SMG5: variants seen among roughly 807,000 people sequenced by gnomAD.
The protein encoded by SMG5 is SMG5 nonsense mediated mRNA decay factor.
SMG5 carries 53 observed loss-of-function variants against 122.9 expected under a neutral mutation model. The ratio of observed to expected loss-of-function variants is 0.43; its 90% CI spans 0.35 to 0.54. The LOEUF (loss-of-function observed/expected upper bound fraction) is 0.54, where lower values mean the gene tolerates loss of function less well. Among genes scored for constraint, SMG5 ranks in the 20% least tolerant of loss-of-function variants. The pLI is 0.01. For synonymous variants in SMG5, 477 were observed against 490.2 expected (o/e 0.97, Z 0.35); for missense variants, 1,153 against 1,285.6 (o/e 0.90, Z 1.58).
At chr1:156,251,776 G>A (rs1661367398) in intron 19 of SMG5, among the ~76,000 whole-genome samples, 2 of 152,208 alleles carry the variant, frequency 1.3e-5, no homozygotes, top group South Asian at 4.1e-4. Context: ...ATCAGACCTT[G>A]TGCAGCTTCC....
At chr1:156,266,952 C>T (rs1384152105) in intron 10 of SMG5, among the ~76,000 whole-genome samples, 1 of 151,998 alleles carries the variant, frequency 6.6e-6, no homozygotes. Context: ...ATTATCCCTT[C>T]CATAATCTAG....
chr1:156,258,854 C>T (rs1661689345), intron 16 of SMG5, 151 bp downstream of exon 16: 2 of 936,728 alleles, frequency 2.1e-6, no homozygotes, highest in Non-Finnish European at 1.5e-6. Context: ...TAGTCCTTCC[C>T]AGGCCTCCCT....
intron 13 of SMG5, 86 bp from the exon 14 acceptor site, chr1:156,261,494 A>T: frequency 8.9e-7 from 1 of 1,120,228 alleles, no homozygotes; most frequent in East Asian, 2.4e-5. Context: ...ACCCTGAGGG[A>T]TCTGGCCTAT....
chr1:156,279,031 A>G lies in SMG5; in HGVS notation c.78T>C (p.Ala26=), dbSNP rs765124831. The G allele has an allele frequency of 1.2e-6, 2 of 1,613,926 alleles. No homozygotes were observed. Among genetic ancestry groups the G allele is most frequent in the Non-Finnish European group, 1.7e-6 (2 of 1,179,890 alleles). ...KVLHTKRLYR[A]VVEAVHRLDL... is the part of the protein sequence containing the mutation. ...CAAGTCGATGCACAGCCTCCACCAC[A>G]GCCCTGTAGGGAAATACAGGCAAAT... The change falls in exon 2 of 22, where the codon GCT becomes GCC. Residue 26 remains alanine (A), a synonymous_variant. Transcript: ENST00000361813.
At chr1:156,281,065 C>T (rs1662913983) in intron 1 of SMG5, among the ~76,000 whole-genome samples, 1 of 152,196 alleles carries the variant, frequency 6.6e-6, no homozygotes, top group Non-Finnish European at 1.5e-5. Flanking sequence ...AGTCTAACAA[C>T]ACATTTATCT....
intron 14 of SMG5, among the ~76,000 whole-genome samples, chr1:156,261,068 G>A (rs555200281): frequency 3.3e-5 from 5 of 152,274 alleles, no homozygotes; most frequent in African/African-American, 1.2e-4. Flanking sequence ...GCTAGGTCTG[G>A]CTCCCAGGGC....
At chr1:156,286,619 C>G (rs766437103), upstream of SMG5, 10 of 761,004 alleles carry the variant, frequency 1.3e-5, no homozygotes, top group Non-Finnish European at 2.1e-5. Context: ...TCCACCTTCT[C>G]TCTTGCACCT....
intron 1 of SMG5, 26 bp downstream of exon 1, chr1:156,282,581 T>TGCTCTCACGCCCTGGCC: frequency 1.3e-6 from 2 of 1,597,400 alleles, no homozygotes; most frequent in Non-Finnish European, 1.7e-6. Context: ...CCTCGGTGGC[T>TGCTCTCACGCCCTGGCC]GCTCTCACGC....
chr1:156,282,844 C>G (rs1456810831), upstream of SMG5: 6 of 690,590 alleles, frequency 8.7e-6, no homozygotes, highest in Admixed American at 1.9e-4. Flanking sequence ...CTCCGCCTGC[C>G]AAATCTCGCG....
intron 13 of SMG5, among the ~76,000 whole-genome samples, chr1:156,262,420 G>A (rs1440443518): frequency 6.7e-6 from 1 of 148,728 alleles, no homozygotes; most frequent in Non-Finnish European, 1.5e-5. Flanking sequence ...AACTTGCAGT[G>A]AGCCGAAATC....
At position 156,282,736 on chromosome 1, in the gene SMG5, C is replaced by A; in HGVS notation, c.-56G>T. The A allele has an allele frequency of 6.5e-7, 1 of 1,529,874 alleles. No homozygotes were observed. The highest frequency in any genetic ancestry group is 8.8e-7 in the Non-Finnish European group (1 of 1,137,410). 94.8% of individuals were successfully genotyped at this position (1,529,874 alleles called of 1,614,324 possible). On this transcript the variant is annotated 5_prime_UTR_variant, in exon 1 of 22. Transcript: ENST00000361813. ...ACAGGCCCCTGCCACCCACCACTACCGCCAACACTGCCGTCTCCGGCCGTA... is the reference window on the plus strand; with the variant it reads ...ACAGGCCCCTGCCACCCACCACTACAGCCAACACTGCCGTCTCCGGCCGTA...
upstream of SMG5, among the ~76,000 whole-genome samples, chr1:156,284,683 G>C (rs749814167): frequency 6.6e-6 from 1 of 152,210 alleles, no homozygotes; most frequent in Non-Finnish European, 1.5e-5. Flanking sequence ...CTTTGGGTCA[G>C]ATCAGTTGGC....
chr1:156,252,817 A>G, intron 18 of SMG5, 102 bp downstream of exon 18: 1 of 1,266,098 alleles, frequency 7.9e-7, no homozygotes, highest in Non-Finnish European at 1.1e-6. Context: ...GACTTGACCA[A>G]GGTTACTGCA....
At chr1:156,270,365 G>C (rs564519191) in intron 7 of SMG5, among the ~76,000 whole-genome samples, 1 of 152,328 alleles carries the variant, frequency 6.6e-6, no homozygotes, top group African/African-American at 2.4e-5. Context: ...CTTCTACCCT[G>C]TGGAAGATAC....
chr1:156,263,012 T>A (rs1205031124), intron 13 of SMG5, among the ~76,000 whole-genome samples: 1 of 152,194 alleles, frequency 6.6e-6, no homozygotes, highest in Non-Finnish European at 1.5e-5. Context: ...ACAACTCTTG[T>A]CAGAAGTTCC....
chr1:156,255,357 G>C (rs1382384002), intron 16 of SMG5, among the ~76,000 whole-genome samples: 3 of 151,060 alleles, frequency 2.0e-5, no homozygotes, highest in Admixed American at 6.6e-5. Flanking sequence ...TGAGCAACAT[G>C]GTGAAACCCC....
chr1:156,250,371 C>T lies in SMG5; in HGVS notation c.*216G>A. ...GCCCACAAGACTCTCCTAATCCAAG[C>T]ACTTTCCTCGCTTTCCTAACGTCTT... is the stretch of plus-strand genomic sequence containing the variant. On this transcript the variant is annotated 3_prime_UTR_variant, in exon 22 of 22. Transcript: ENST00000361813. The T allele has an allele frequency of 3.5e-6, 2 of 571,356 alleles. No individual in the cohort carries two copies. The highest frequency in any genetic ancestry group is 3.0e-5 in the East Asian group (1 of 33,782). 35.4% of individuals were successfully genotyped at this position (571,356 alleles called of 1,614,324 possible).
At chr1:156,286,441 C>A (rs1288115451), upstream of SMG5, 1 of 1,614,076 alleles carries the variant, frequency 6.2e-7, no homozygotes, top group Non-Finnish European at 8.5e-7. Context: ...TCAAACTGCT[C>A]CCTCTGCTCA....
At chr1:156,282,513 C>A in intron 1 of SMG5, 94 bp downstream of exon 1, 1 of 1,403,104 alleles carries the variant, frequency 7.1e-7, no homozygotes, top group Non-Finnish European at 9.7e-7. Flanking sequence ...CGCACCTCAC[C>A]CCGACACCCG....
Sources: gnomAD v4.1 joint callset for allele counts (sites outside exome capture counted in the v4.1 genomes callset) on GRCh38, gnomAD v4.1.1 for gene constraint, MANE v1.5 for transcripts, NCBI Gene and HGNC (gene_info 2026-07-23, HGNC 2026-07-21) for gene names.